Variants in SMAD4 observed in about 807,000 individuals in gnomAD.
SMAD4 encodes MAD homolog 4.
In SMAD4, 7 loss-of-function variants were observed where a neutral mutation model predicts 63.2. The ratio of observed to expected loss-of-function variants is 0.11; its 90% CI spans 0.06 to 0.21. The LOEUF is 0.21. Among genes scored for constraint, SMAD4 ranks in the 10% least tolerant of loss-of-function variants. The pLI, the probability that SMAD4 is intolerant of heterozygous loss-of-function variation, is 1.00. For synonymous variants in SMAD4, 215 were observed against 235.4 expected, an observed-to-expected ratio of 0.91 and a Z score of 0.79; for missense variants, 312 against 693.8, an observed-to-expected ratio of 0.45 and a Z score of 6.18.
chr18:51,053,228 T>C (rs1349703170), intron 4 of SMAD4: 1 of 152,012 alleles, frequency 6.6e-6, no homozygotes, highest in Non-Finnish European at 1.5e-5. Context: ...GCAAAACCAG[T>C]AAGTTGGTAA....
intron 10 of SMAD4, among the ~76,000 whole-genome samples, chr18:51,070,507 G>A (rs1400185053): frequency 6.6e-6 from 1 of 152,178 alleles, no homozygotes; most frequent in African/African-American, 2.4e-5. Context: ...TGTTTACCAA[G>A]TATATTACTG....
intron 9 of SMAD4, 150 bp downstream of exon 9, chr18:51,065,756 G>T: frequency 1.6e-6 from 1 of 612,540 alleles, no homozygotes; most frequent in Non-Finnish European, 2.7e-6. Context: ...GAATTTGTAA[G>T]CACTCCATCT....
chr18:51,073,718 A>T (rs892084617), intron 10 of SMAD4, among the ~76,000 whole-genome samples: 3 of 151,772 alleles, frequency 2.0e-5, no homozygotes, highest in African/African-American at 4.8e-5. Context: ...TTTAGTAGAG[A>T]TGGGGTCTCA....
chr18:51,033,491 A>G (rs917713359), intron 1 of SMAD4, among the ~76,000 whole-genome samples: 1 of 152,202 alleles, frequency 6.6e-6, no homozygotes, highest in African/African-American at 2.4e-5. Context: ...CGCCTGTCCT[A>G]TAACAGCATT....
At chr18:51,043,713 A>G (rs1049620450) in intron 1 of SMAD4, among the ~76,000 whole-genome samples, 10 of 152,242 alleles carry the variant, frequency 6.6e-5, no homozygotes, top group Non-Finnish European at 1.5e-4. Context: ...AGATACCGTT[A>G]AGGCCCCAGC....
intron 10 of SMAD4, among the ~76,000 whole-genome samples, chr18:51,073,526 G>GA (rs907106434): frequency 1.3e-5 from 2 of 150,998 alleles, no homozygotes; most frequent in Non-Finnish European, 3.0e-5. Flanking sequence ...TAATATAAGA[G>GA]AAAAAGTGAG....
chr18:51,076,954 C>T, intron 11 of SMAD4, 178 bp downstream of exon 11: 1 of 531,674 alleles, frequency 1.9e-6, no homozygotes, highest in South Asian at 2.8e-5. Context: ...TTGCCTATGA[C>T]CCTGTTTGCA....
rs531346506 is a variant in SMAD4 at position 51,083,904 on chromosome 18, A to T, written c.*5437A>T. 1 of 230,414 alleles carries T rather than the reference A, an allele frequency of 4.3e-6. No homozygotes were observed. The highest frequency in any genetic ancestry group is 6.1e-5 in the East Asian group (1 of 16,336). The allele number at this position is 230,414 out of a possible 1,614,324, so 14.3% of individuals were successfully genotyped here. A position where few individuals can be genotyped will look rare whatever the true frequency, so the allele number is the denominator to read the frequency against. ...CTTGATATTTTATTACTGTTCTTTT[A>T]TGGACAAAAGGTTACATAGTATGCC... On this transcript the variant is annotated 3_prime_UTR_variant, in exon 12 of 12. Coordinates refer to ENST00000342988, the MANE Select transcript of SMAD4 (RefSeq NM_005359.6).
rs2144429576 is a variant in SMAD4, at chr18:51,058,465, T to C, written c.904+9T>C. 2 of 1,593,058 alleles carry C rather than the reference T, an allele frequency of 1.3e-6. No individual in the cohort carries two copies. Among genetic ancestry groups the C allele is most frequent in the South Asian group, 2.2e-5 (2 of 90,170 alleles). On this transcript the variant is annotated intron_variant, in intron 7 of 11. Transcript: ENST00000342988. Reference sequence around the variant, plus strand: ...CCATCCCGGACATTACTGTAAGCTCTTGTTTTTGTTGTAAGGGCTATTTTT... The same window carrying C: ...CCATCCCGGACATTACTGTAAGCTCCTGTTTTTGTTGTAAGGGCTATTTTT...
At chr18:51,074,552 A>G (rs946202015) in intron 10 of SMAD4, among the ~76,000 whole-genome samples, 1 of 152,178 alleles carries the variant, frequency 6.6e-6, no homozygotes. Flanking sequence ...GATTGTAACA[A>G]TTGTGCCACT....
chr18:51,034,327 A>G (rs1599172238), intron 1 of SMAD4, among the ~76,000 whole-genome samples: 1 of 149,956 alleles, frequency 6.7e-6, no homozygotes, highest in African/African-American at 2.5e-5. Flanking sequence ...GCTCACTGCA[A>G]CCTCCACTTG....
intron 9 of SMAD4, among the ~76,000 whole-genome samples, chr18:51,066,357 A>G (rs1910152275): frequency 6.6e-6 from 1 of 151,416 alleles, no homozygotes; most frequent in African/African-American, 2.4e-5. Context: ...AAAAAAAAAA[A>G]AAAAAGTTTA....
chr18:51,058,156 T>C lies in SMAD4; in HGVS notation c.699T>C (p.His233=), dbSNP rs367964910. Residue 233 remains histidine (H), a synonymous_variant, in exon 6 of 12, where the codon CAT becomes CAC. Transcript: ENST00000342988. The part of the protein sequence containing the change: ...SQPASILGGS[H]SEGLLQIASG... The stretch of plus-strand genomic sequence containing the variant: ...CTGCCAGTATACTGGGGGGCAGCCA[T>C]AGTGAAGGACTGTTGCAGATAGCAT... The C allele has an allele frequency of 4.3e-6, 7 of 1,614,136 alleles. No individual in the cohort carries two copies. Among genetic ancestry groups the C allele is most frequent in the Non-Finnish European group, 5.9e-6 (7 of 1,179,990 alleles).
In SMAD4 at chr18:51,081,728, A is replaced by G. The variant is rs746551930; in HGVS notation, c.*3261A>G. On this transcript the variant is annotated 3_prime_UTR_variant, in exon 12 of 12. Coordinates refer to ENST00000342988, the MANE Select transcript of SMAD4 (RefSeq NM_005359.6). Reference sequence around the variant, plus strand: ...TAATACAAGTTGAAGGCAAAATAAAATGTCCTGTCTCCCAGATGATATACA... The same window carrying G: ...TAATACAAGTTGAAGGCAAAATAAAGTGTCCTGTCTCCCAGATGATATACA... 1 of 232,768 alleles carries G rather than the reference A, an allele frequency of 4.3e-6. No individual in the cohort carries two copies. Among genetic ancestry groups the G allele is most frequent in the Admixed American group, 5.6e-5 (1 of 17,786 alleles). The allele number at this position is 232,768 out of a possible 1,614,324, so 14.4% of individuals were successfully genotyped here. A position where few individuals can be genotyped will look rare whatever the true frequency, so the allele number is the denominator to read the frequency against.
In SMAD4 at chr18:51,078,601, G is replaced by C; in HGVS notation, c.*134G>C. On this transcript the variant is annotated 3_prime_UTR_variant, in exon 12 of 12. Coordinates refer to ENST00000342988, the MANE Select transcript of SMAD4 (RefSeq NM_005359.6). ...ATAAAGGGTTGAAAATGTGTTTGCT[G>C]CCTTGCTCCTAGCAGACAGAAACTG... 1.4e-6 allele frequency: 1 copy of C among 708,270 alleles called. No homozygotes were observed. The highest frequency in any genetic ancestry group is 2.6e-5 in the East Asian group (1 of 37,862). The allele number at this position is 708,270 out of a possible 1,614,324, so 43.9% of individuals were successfully genotyped here.
At chr18:51,078,154 G>C (rs1910515795) in intron 11 of SMAD4, 102 bp from the exon 12 acceptor site, 1 of 952,746 alleles carries the variant, frequency 1.0e-6, no homozygotes. Context: ...ATGCTGAGGA[G>C]AATGAAATAC....
At chr18:51,054,579 A>G (rs1909790128) in intron 4 of SMAD4, 1 of 559,132 alleles carries the variant, frequency 1.8e-6, no homozygotes, top group Non-Finnish European at 3.2e-6. Flanking sequence ...GATAAAATAT[A>G]TCTCATGCTG....
chr18:51,073,793 A>G (rs937284492), intron 10 of SMAD4, among the ~76,000 whole-genome samples: 2 of 152,026 alleles, frequency 1.3e-5, no homozygotes, highest in Non-Finnish European at 2.9e-5. Context: ...GGCCTCCCAA[A>G]GTGCTGGGAT....
intron 5 of SMAD4, 79 bp downstream of exon 5, chr18:51,055,072 A>G (rs1467087208): frequency 9.8e-7 from 1 of 1,024,796 alleles, no homozygotes; most frequent in East Asian, 2.4e-5. Context: ...ACTTGGGGGG[A>G]AACTCCAAGT....
Sources: gnomAD v4.1 joint callset for allele counts (sites outside exome capture counted in the v4.1 genomes callset) on GRCh38, gnomAD v4.1.1 for gene constraint, MANE v1.5 for transcripts, NCBI Gene and HGNC (gene_info 2026-07-23, HGNC 2026-07-21) for gene names.